The following GRAMD1B variants were observed in gnomAD, a reference collection of about 807,000 sequenced individuals.
GRAMD1B encodes GRAM domain containing 1B.
A neutral mutation model predicts 99.7 loss-of-function variants in GRAMD1B; 37 were observed. The observed-to-expected ratio is 0.37, with a 90% CI of 0.29 to 0.49. The LOEUF is 0.49. Ranked by LOEUF, GRAMD1B falls within the 20% of genes least tolerant of loss-of-function variation. The pLI is 0.98. For synonymous variants in GRAMD1B, 427 were observed against 387.6 expected, an observed-to-expected ratio of 1.10 and a Z score of -1.19; for missense variants, 888 against 1,009.2, an observed-to-expected ratio of 0.88 and a Z score of 1.63.
chr11:123,535,688 T>C (rs1162679438), intron 2 of GRAMD1B, among the ~76,000 whole-genome samples: 1 of 146,436 alleles, frequency 6.8e-6, no homozygotes, highest in Non-Finnish European at 1.5e-5. Flanking sequence ...TTGTGAAATA[T>C]ATCATGCATA....
chr11:123,539,298 G>C (rs2846312), intron 2 of GRAMD1B, among the ~76,000 whole-genome samples: 141,674 of 152,214 alleles, frequency 0.93, 65,953 homozygotes, highest in East Asian at 1. Flanking sequence ...CATTACCAAC[G>C]CTTCTTCAAC....
rs1286814423 is a variant in GRAMD1B at position 123,367,685 on chromosome 11, A to AT, written c.-176+8895dup. 8.1e-5 allele frequency among the ~76,000 whole-genome samples: 12 copies of AT among 147,828 alleles called. 1 individual carries two copies. Among genetic ancestry groups the AT allele is most frequent in the South Asian group, 6.4e-4 (3 of 4,660 alleles). ...GCTTGTAGTTAACTGAGGCAACACC[A>AT]TTTTTTTTTCTTTTTTTTTTTTAGC... On this transcript the variant is annotated intron_variant, in intron 1 of 20. Coordinates refer to the GRAMD1B transcript ENST00000638157.
intron 1 of GRAMD1B, among the ~76,000 whole-genome samples, chr11:123,475,631 G>A (rs1319861258): frequency 1.3e-5 from 2 of 152,146 alleles, no homozygotes; most frequent in Non-Finnish European, 1.5e-5. Flanking sequence ...TCAGTCATCC[G>A]GTGCCCAGGC....
In GRAMD1B at chr11:123,504,402, G is replaced by A. The variant is rs1385762268; in HGVS notation, c.452+23509G>A. Among the ~76,000 whole-genome samples, 4 of 152,300 alleles carry A rather than the reference G, an allele frequency of 2.6e-5. No homozygotes were observed. The East Asian group carries it at 7.7e-4, about 29-fold the overall frequency. ...AGAGATGACTGACCCCGAAGGCTTA[G>A]CTATTTCCTTTTCTCCTAGAAGCTG... On this transcript the variant is annotated intron_variant, in intron 2 of 19. Transcript: ENST00000635736.
At chr11:123,462,910 A>T (rs1591603783) in intron 1 of GRAMD1B, among the ~76,000 whole-genome samples, 1 of 150,500 alleles carries the variant, frequency 6.6e-6, no homozygotes, top group East Asian at 1.9e-4. Context: ...AAAAAAAAAA[A>T]AAGAAATCCC....
chr11:123,493,616 GCAGC>G (rs1938871746), intron 2 of GRAMD1B, among the ~76,000 whole-genome samples: 1 of 152,186 alleles, frequency 6.6e-6, no homozygotes, highest in African/African-American at 2.4e-5. Context: ...CTACCCGCAG[GCAGC>G]CCACTCGAAC....
At chr11:123,465,520 A>C (rs1950616833) in intron 1 of GRAMD1B, among the ~76,000 whole-genome samples, 1 of 152,040 alleles carries the variant, frequency 6.6e-6, no homozygotes, top group Non-Finnish European at 1.5e-5. Flanking sequence ...TAATCCCAGC[A>C]CTTTGGGAGG....
chr11:123,625,123 A>G lies in GRAMD1B; in HGVS notation c.*2528A>G, dbSNP rs1196357268. 2 of 152,236 alleles carry G rather than the reference A, an allele frequency of 1.3e-5. No individual in the cohort carries two copies. Among genetic ancestry groups the G allele is most frequent in the Middle Eastern group, 3.2e-3 (1 of 316 alleles). The allele number at this position is 152,236 out of a possible 1,614,324, so 9.4% of individuals were successfully genotyped here. ...AAACAAAATCTCTTCCCCCTTAGTCAATAGCTTGCGAAAGACATCTTAACT... is the reference window on the plus strand; with the variant it reads ...AAACAAAATCTCTTCCCCCTTAGTCGATAGCTTGCGAAAGACATCTTAACT... On this transcript the variant is annotated 3_prime_UTR_variant, in exon 20 of 20. Transcript: ENST00000635736.
At chr11:123,594,679 G>C in intron 5 of GRAMD1B, 56 bp from the exon 6 acceptor site, 1 of 875,396 alleles carries the variant, frequency 1.1e-6, no homozygotes, top group Admixed American at 1.7e-5. Context: ...ACTCTGCAGT[G>C]GTTTGCCGAA....
At chr11:123,526,106 G>A (rs1459133135) in intron 2 of GRAMD1B, 2 of 1,593,950 alleles carry the variant, frequency 1.3e-6, no homozygotes, top group Non-Finnish European at 8.6e-7. Context: ...AGCTGTAACG[G>A]GGATGCTAAG....
chr11:123,383,532 T>C (rs1048469855), intron 1 of GRAMD1B, among the ~76,000 whole-genome samples: 1 of 152,188 alleles, frequency 6.6e-6, no homozygotes, highest in Non-Finnish European at 1.5e-5. Context: ...TAGTGGTTCA[T>C]TCATGTTAAG....
intron 2 of GRAMD1B, among the ~76,000 whole-genome samples, chr11:123,564,088 G>A (rs1017076371): frequency 1.3e-5 from 2 of 152,196 alleles, no homozygotes; most frequent in African/African-American, 4.8e-5. Context: ...ATGAGGGGCA[G>A]GACATGTGGC....
At chr11:123,453,190 T>C (rs937277681) in intron 1 of GRAMD1B, among the ~76,000 whole-genome samples, 24 of 151,994 alleles carry the variant, frequency 1.6e-4, no homozygotes, top group Admixed American at 1.5e-3. Context: ...AAACCTCTAA[T>C]CCAGCTTAAA....
At chr11:123,584,394 G>GA in intron 4 of GRAMD1B, 62 bp downstream of exon 4, 2 of 604,728 alleles carry the variant, frequency 3.3e-6, no homozygotes, top group South Asian at 1.9e-5. Context: ...AATGGAGGTT[G>GA]GGGGAAGGGG....
intron 2 of GRAMD1B, among the ~76,000 whole-genome samples, chr11:123,552,204 T>C (rs1444525166): frequency 6.6e-6 from 1 of 151,924 alleles, no homozygotes; most frequent in African/African-American, 2.4e-5. Context: ...AAAGGAGGGA[T>C]TTTTCTTCCC....
chr11:123,605,901 C>T (rs1952650531), intron 10 of GRAMD1B, among the ~76,000 whole-genome samples: 2 of 152,106 alleles, frequency 1.3e-5, no homozygotes, highest in East Asian at 3.9e-4. Flanking sequence ...CGTATTGTGG[C>T]TTATTTCTCC....
intron 2 of GRAMD1B, among the ~76,000 whole-genome samples, chr11:123,567,556 G>A (rs1008131449): frequency 1.8e-4 from 28 of 152,216 alleles, no homozygotes. Flanking sequence ...TGTAGGAAGG[G>A]GGAAAAGTGG....
At chr11:123,465,774 GA>G (rs149234901) in intron 1 of GRAMD1B, among the ~76,000 whole-genome samples, 20,520 of 136,708 alleles carry the variant, frequency 0.15, 1,747 homozygotes, top group East Asian at 0.39. Context: ...CATCTCGAAA[GA>G]AAAAAAAAAA....
intron 1 of GRAMD1B, among the ~76,000 whole-genome samples, chr11:123,474,716 C>T (rs1004690600): frequency 1.4e-5 from 1 of 71,268 alleles, no homozygotes. Flanking sequence ...AATATATTTC[C>T]CCATTTTTAT....
Sources: allele counts gnomAD v4.1 joint callset (sites outside exome capture counted in the v4.1 genomes callset), GRCh38; gene constraint gnomAD v4.1.1; transcripts MANE v1.5; gene names NCBI Gene and HGNC (gene_info 2026-07-23, HGNC 2026-07-21).